HAO2: variants seen among roughly 807,000 people sequenced by gnomAD.
HAO2 encodes 2-Hydroxyacid oxidase 2.
Under a neutral mutation model 37.4 loss-of-function variants are expected in HAO2, and 42 were observed. That is an observed-to-expected ratio of 1.12 (90% confidence interval 0.88 to 1.45). The LOEUF (loss-of-function observed/expected upper bound fraction) is 1.45. Ranked by LOEUF, HAO2 falls within the 40% of genes most tolerant of loss-of-function variation. HAO2 has a pLI of 0.00. For missense variants in HAO2, 476 were observed against 430.2 expected, an observed-to-expected ratio of 1.11 and a Z score of -0.94; for synonymous variants, 180 against 162.8, an observed-to-expected ratio of 1.11 and a Z score of -0.81.
chr1:119,391,422 T>C (rs1304411053), intron 5 of HAO2, among the ~76,000 whole-genome samples: 1 of 152,234 alleles, frequency 6.6e-6, no homozygotes, highest in African/African-American at 2.4e-5. Context: ...TATTTGCCTG[T>C]TCCCTGGAAT....
Position 119,379,156 on chromosome 1 carries a change from GACACATGTAAAATGTTACCTAC to G in HAO2, c.-8-1921_-8-1900del, listed in dbSNP as rs587639841. Among the ~76,000 whole-genome samples, 26 of 152,280 alleles carry G rather than the reference GACACATGTAAAATGTTACCTAC, an allele frequency of 1.7e-4. No individual in the cohort carries two copies. In the South Asian group the frequency reaches 3.9e-3, roughly 23 times the overall value. ...AATTCCCCCAGCAACAAGATGTGATGACACATGTAAAATGTTACCTACCTGAGCAGGTCAGTAGAGATTCAAT... is the reference window on the plus strand; with the variant it reads ...AATTCCCCCAGCAACAAGATGTGATGCTGAGCAGGTCAGTAGAGATTCAAT... On this transcript the variant is annotated intron_variant, in intron 1 of 7. Transcript: ENST00000325945.
intron 4 of HAO2, chr1:119,385,829 T>C: frequency 1.0e-6 from 1 of 985,238 alleles, no homozygotes; most frequent in Non-Finnish European, 1.2e-6. Flanking sequence ...TGCTCCAAAA[T>C]CCTTATTCAA....
intron 3 of HAO2, 67 bp from the exon 4 acceptor site, chr1:119,384,709 C>G (rs1426379769): frequency 5.9e-6 from 8 of 1,347,266 alleles, no homozygotes; most frequent in Non-Finnish European, 8.3e-6. Flanking sequence ...TACACAGACT[C>G]CCAAGGTTTT....
intron 2 of HAO2, among the ~76,000 whole-genome samples, 173 bp from the exon 3 acceptor site, chr1:119,382,739 TCTC>T (rs1398099063): frequency 6.6e-6 from 1 of 152,080 alleles, no homozygotes; most frequent in Non-Finnish European, 1.5e-5. Context: ...TGGAGATAAG[TCTC>T]CTCCTGGATC....
Position 119,393,964 on chromosome 1 carries a change from C to A in HAO2, c.*124C>A. On this transcript the variant is annotated 3_prime_UTR_variant, in exon 8 of 8. Transcript: ENST00000325945. The stretch of plus-strand genomic sequence containing the variant: ...TCCGGAGGCTCATGGCCCATATTTC[C>A]CACATTTCTAATACCACCACCCCTG... 6.4e-7 allele frequency: 1 copy of A among 1,551,980 alleles called. No individual in the cohort carries two copies. Among genetic ancestry groups the A allele is most frequent in the East Asian group, 2.4e-5 (1 of 42,356 alleles).
chr1:119,372,529 G>T (rs1639222849), intron 1 of HAO2, among the ~76,000 whole-genome samples: 1 of 152,244 alleles, frequency 6.6e-6, no homozygotes, highest in Non-Finnish European at 1.5e-5. Flanking sequence ...CCCTGAGAAA[G>T]GCACTCAATA....
rs1188292445 is a variant in HAO2, at chr1:119,392,123, C to T, written c.785C>T (p.Thr262Ile). The change falls in exon 6 of 8, where the codon ACA (threonine) becomes ATA (isoleucine). Residue 262 changes from threonine to isoleucine, a missense_variant. Coordinates refer to ENST00000325945, the MANE Select transcript of HAO2 (RefSeq NM_016527.4). ...DEVLASIDAL[T>I]EVVAAVKGKI... is the part of the protein sequence containing the mutation. ...TCTCCTTTTCAGATTGATGCTTTGA[C>T]AGAAGTGGTGGCTGCTGTAAAGGGG... The T allele has an allele frequency of 1.9e-6, 3 of 1,612,018 alleles. No homozygotes were observed.
chr1:119,389,285 A>ACT (rs1650678315), intron 5 of HAO2, among the ~76,000 whole-genome samples: 1 of 147,844 alleles, frequency 6.8e-6, no homozygotes, highest in Non-Finnish European at 1.5e-5. Context: ...TCATATAATG[A>ACT]CTTCTTTTCC....
intron 1 of HAO2, among the ~76,000 whole-genome samples, chr1:119,378,039 C>T (rs919774368): frequency 6.7e-6 from 1 of 148,984 alleles, no homozygotes; most frequent in Non-Finnish European, 1.5e-5. Flanking sequence ...GCTTTACATA[C>T]ATTATAAAAA....
At chr1:119,391,096 C>T (rs6675731) in intron 5 of HAO2, among the ~76,000 whole-genome samples, 63,001 of 152,000 alleles carry the variant, frequency 0.41, 15,350 homozygotes, top group Non-Finnish European at 0.53. Context: ...TTCCCCGCCC[C>T]CACCTATAAG....
intron 1 of HAO2, among the ~76,000 whole-genome samples, chr1:119,369,534 C>T (rs1269156747): frequency 6.6e-6 from 1 of 152,134 alleles, no homozygotes; most frequent in South Asian, 2.1e-4. Context: ...CAGAATAAAG[C>T]GTCCATTAGC....
Position 119,392,151 on chromosome 1 carries a change from A to T in HAO2, c.813A>T (p.Lys271Asn). The T allele has an allele frequency of 1.2e-6, 2 of 1,613,308 alleles. No homozygotes were observed. The highest frequency in any genetic ancestry group is 1.7e-6 in the Non-Finnish European group (2 of 1,179,478). ...AAGTGGTGGCTGCTGTAAAGGGGAA[A>T]ATTGAAGTCTACCTGGATGGCGGGG... ...LTEVVAAVKG[K>N]IEVYLDGGVR... The change falls in exon 6 of 8, where the codon AAA (lysine) becomes AAT (asparagine). Residue 271 changes from lysine (K) to asparagine (N), a missense_variant. By Grantham distance (94) the Lys-to-Asn change is moderately conservative (BLOSUM62 0). Transcript: ENST00000325945.
intron 7 of HAO2, among the ~76,000 whole-genome samples, chr1:119,393,550 A>G (rs1557859653): frequency 6.6e-6 from 1 of 152,164 alleles, no homozygotes. Context: ...TAGGGTTTTT[A>G]CATGTTTACC....
intron 1 of HAO2, among the ~76,000 whole-genome samples, chr1:119,373,959 G>A (rs1649237549): frequency 6.6e-6 from 1 of 152,190 alleles, no homozygotes; most frequent in African/African-American, 2.4e-5. Flanking sequence ...CAGGGAAGAA[G>A]CCAGAGCTGA....
intron 1 of HAO2, among the ~76,000 whole-genome samples, chr1:119,377,131 C>G (rs1040664338): frequency 6.6e-6 from 1 of 152,112 alleles, no homozygotes; most frequent in South Asian, 2.1e-4. Flanking sequence ...AATTTTAAAC[C>G]ATATATTTTT....
In HAO2 at chr1:119,386,783, CATT is replaced by C. The variant is rs1298450679; in HGVS notation, c.724_726del (p.Ile242del). 1.2e-6 allele frequency: 2 copies of C among 1,613,648 alleles called. No homozygotes were observed. The highest frequency in any genetic ancestry group is 2.2e-5 in the East Asian group (1 of 44,880). Reference sequence around the variant, plus strand: ...CTGTGAAGCACAATGTCCAGGGTATCATTGTTTCCAACCATGGTGGGAGGCAGC... The same window carrying C: ...CTGTGAAGCACAATGTCCAGGGTATCGTTTCCAACCATGGTGGGAGGCAGC... On this transcript the variant is annotated inframe_deletion, in exon 5 of 8. Transcript: ENST00000325945.
At chr1:119,382,116 A>G (rs1557848320) in intron 2 of HAO2, among the ~76,000 whole-genome samples, 1 of 152,212 alleles carries the variant, frequency 6.6e-6, no homozygotes, top group African/African-American at 2.4e-5. Flanking sequence ...AGTTAGCACT[A>G]TACGAGGCAC....
intron 4 of HAO2, chr1:119,385,518 C>A (rs1650308942): frequency 3.5e-6 from 3 of 859,952 alleles, no homozygotes; most frequent in East Asian, 1.2e-4. Flanking sequence ...CCAGGTTCTA[C>A]CTTACTGCCT....
In HAO2 at chr1:119,392,269, G is replaced by A. The variant is rs587734809; in HGVS notation, c.930+1G>A. On this transcript the variant is annotated splice_donor_variant, in intron 6 of 7. Transcript: ENST00000325945. LOFTEE classifies it high-confidence loss of function. ...AATCCTATGGGGCCTTGCCTGCAAGGTGAGAGTGGCAAAGCAAACCAGCAA... is the reference window on the plus strand; with the variant it reads ...AATCCTATGGGGCCTTGCCTGCAAGATGAGAGTGGCAAAGCAAACCAGCAA... 7 of 1,606,672 alleles carry A rather than the reference G, an allele frequency of 4.4e-6. No homozygotes were observed. The highest frequency in any genetic ancestry group is 4.0e-5 in the African/African-American group (3 of 74,682).
Sources: allele counts gnomAD v4.1 joint callset (sites outside exome capture counted in the v4.1 genomes callset), GRCh38; gene constraint gnomAD v4.1.1; transcripts MANE v1.5; gene names NCBI Gene and HGNC (gene_info 2026-07-23, HGNC 2026-07-21).